Variants in KSR2 observed in about 807,000 individuals in gnomAD.
KSR2 encodes kinase suppressor of ras 2.
In KSR2, 25 loss-of-function variants were observed where a neutral mutation model predicts 107.8. The ratio of observed to expected loss-of-function variants is 0.23; its 90% CI spans 0.17 to 0.32. The LOEUF is 0.32. Ranked by LOEUF, KSR2 falls within the 10% of genes least tolerant of loss-of-function variation. KSR2 has a pLI of 1.00. For missense variants in KSR2, 887 were observed against 1,268.9 expected, an observed-to-expected ratio of 0.70 and a Z score of 4.57; for synonymous variants, 480 against 507.0, an observed-to-expected ratio of 0.95 and a Z score of 0.71.
chr12:117,661,503 T>C (rs7313575), intron 5 of KSR2, among the ~76,000 whole-genome samples: 7,121 of 152,182 alleles, frequency 0.047, 500 homozygotes, highest in African/African-American at 0.15. Flanking sequence ...TGAATCTAAG[T>C]AAAGAGGGAC....
At chr12:117,736,938 G>A (rs752890498) in intron 4 of KSR2, among the ~76,000 whole-genome samples, 15 of 152,152 alleles carry the variant, frequency 9.9e-5, no homozygotes, top group African/African-American at 2.9e-4. Context: ...CCAAGAACCC[G>A]GCTCCATGGC....
intron 9 of KSR2, among the ~76,000 whole-genome samples, chr12:117,550,119 A>C (rs1877186998): frequency 6.6e-6 from 1 of 152,216 alleles, no homozygotes; most frequent in African/African-American, 2.4e-5. Context: ...GGAAACATCC[A>C]TCAGAGACCA....
intron 8 of KSR2, among the ~76,000 whole-genome samples, chr12:117,557,955 T>G (rs1877822954): frequency 6.6e-6 from 1 of 152,196 alleles, no homozygotes; most frequent in African/African-American, 2.4e-5. Flanking sequence ...CAGATTCGTC[T>G]TGCTTTTGCA....
intron 14 of KSR2, among the ~76,000 whole-genome samples, chr12:117,495,507 G>A (rs922721469): frequency 1.3e-5 from 2 of 152,190 alleles, no homozygotes; most frequent in African/African-American, 2.4e-5. Context: ...ATTAAGTAAG[G>A]GGCTGGCTGG....
chr12:117,531,067 G>A (rs188330721), intron 11 of KSR2, 54 bp from the exon 12 acceptor site: 42 of 1,431,066 alleles, frequency 2.9e-5, no homozygotes, highest in East Asian at 6.8e-5. Context: ...CACAACCCCC[G>A]CAAAGGCCTG....
At chr12:117,813,002 TAGAGA>T (rs986437973) in intron 3 of KSR2, among the ~76,000 whole-genome samples, 2 of 151,948 alleles carry the variant, frequency 1.3e-5, no homozygotes, top group Admixed American at 6.6e-5. Context: ...TGGAACAGAA[TAGAGA>T]ACTCAGAAAT....
intron 1 of KSR2, among the ~76,000 whole-genome samples, chr12:117,947,253 GAAAGAA>G (rs1896227092): frequency 8.1e-6 from 1 of 123,946 alleles, no homozygotes; most frequent in Non-Finnish European, 1.7e-5. Context: ...AAGAAAGAAA[GAAAGAA>G]GATAAACCAC....
intron 5 of KSR2, among the ~76,000 whole-genome samples, chr12:117,606,951 C>G (rs1881312257): frequency 6.6e-6 from 1 of 152,150 alleles, no homozygotes; most frequent in Non-Finnish European, 1.5e-5. Flanking sequence ...CTGAAAGATT[C>G]TCTCTGCCCA....
chr12:117,634,701 A>G (rs929609218), intron 5 of KSR2, among the ~76,000 whole-genome samples: 1 of 152,186 alleles, frequency 6.6e-6, no homozygotes, highest in Non-Finnish European at 1.5e-5. Context: ...CCTGTTCAGC[A>G]TTCAGAACTC....
At chr12:117,644,427 G>A (rs751556880) in intron 5 of KSR2, among the ~76,000 whole-genome samples, 45 of 152,172 alleles carry the variant, frequency 3.0e-4, no homozygotes, top group Non-Finnish European at 5.7e-4. Context: ...GAATATGCAG[G>A]CTACTAAAGC....
intron 3 of KSR2, among the ~76,000 whole-genome samples, chr12:117,793,589 GCA>G (rs1414989287): frequency 1.6e-5 from 2 of 127,460 alleles, no homozygotes; most frequent in East Asian, 5.1e-4. Context: ...ACACCAATAT[GCA>G]CACATACACC....
At chr12:117,597,788 C>T (rs1028842952) in intron 5 of KSR2, among the ~76,000 whole-genome samples, 14 of 152,208 alleles carry the variant, frequency 9.2e-5, no homozygotes, top group Non-Finnish European at 2.1e-4. Context: ...TACTTTTGCA[C>T]CAACCTAATA....
chr12:117,626,021 T>G (rs1358298664), intron 5 of KSR2, among the ~76,000 whole-genome samples: 1 of 152,262 alleles, frequency 6.6e-6, no homozygotes, highest in East Asian at 1.9e-4. Flanking sequence ...TGATGGTAGT[T>G]TGTATTTCTG....
intron 4 of KSR2, among the ~76,000 whole-genome samples, chr12:117,713,011 A>C (rs1036855769): frequency 2.7e-5 from 4 of 150,582 alleles, no homozygotes; most frequent in Non-Finnish European, 5.9e-5. Flanking sequence ...AGATGTATCT[A>C]TATAGAGAGA....
Position 117,525,227 on chromosome 12 carries a change from C to T in KSR2, c.1852-8G>A, listed in dbSNP as rs375107117. ...ATCATGGACCTCTTCATTCTGTGGC[C>T]GGAGTGGGAGAGAGGTCAGAATTGT... On this transcript the variant is annotated splice_region_variant and splice_polypyrimidine_tract_variant and intron_variant, in intron 13 of 19. Coordinates refer to ENST00000339824, the MANE Select transcript of KSR2 (RefSeq NM_173598.6). 58 of 1,579,830 alleles carry T rather than the reference C, an allele frequency of 3.7e-5. No individual in the cohort carries two copies. The Middle Eastern group carries it at 2.0e-3, about 55-fold the overall frequency.
At chr12:117,727,634 GA>G (rs1466718148) in intron 4 of KSR2, among the ~76,000 whole-genome samples, 1 of 151,978 alleles carries the variant, frequency 6.6e-6, no homozygotes, top group East Asian at 1.9e-4. Flanking sequence ...GTATTGCCAG[GA>G]GCCATCAGAA....
At chr12:117,647,332 C>T (rs899744528) in intron 5 of KSR2, among the ~76,000 whole-genome samples, 2 of 152,162 alleles carry the variant, frequency 1.3e-5, no homozygotes, top group African/African-American at 4.8e-5. Flanking sequence ...CAGTAGAACA[C>T]TTTTCACTTT....
intron 5 of KSR2, among the ~76,000 whole-genome samples, chr12:117,625,552 C>G (rs79695549): frequency 5.3e-5 from 8 of 152,180 alleles, no homozygotes; most frequent in African/African-American, 1.7e-4. Flanking sequence ...CGGGATGAAG[C>G]CGACTTAATC....
chr12:117,558,050 T>C lies in KSR2; in HGVS notation c.1393+456A>G, dbSNP rs574513166. On this transcript the variant is annotated intron_variant, in intron 8 of 19. Coordinates refer to ENST00000339824, the MANE Select transcript of KSR2 (RefSeq NM_173598.6). ...CAGACACTCCTAGGGCCCCAGGAGA[T>C]GGGACACAAATGGCCCAATCCAGCA... Among the ~76,000 whole-genome samples, 52 of 152,270 alleles carry C rather than the reference T, an allele frequency of 3.4e-4. No individual in the cohort carries two copies. In the South Asian group the frequency reaches 0.011, roughly 32 times the overall value.
Sources: gnomAD v4.1 joint callset for allele counts (sites outside exome capture counted in the v4.1 genomes callset) on GRCh38, gnomAD v4.1.1 for gene constraint, MANE v1.5 for transcripts, NCBI Gene and HGNC (gene_info 2026-07-23, HGNC 2026-07-21) for gene names.